The following NBEAL2 variants were observed in gnomAD, a reference collection of about 807,000 sequenced individuals.
NBEAL2 encodes the protein neurobeachin-like protein 2.
NBEAL2 carries 160 observed loss-of-function variants against 299.8 expected under a neutral mutation model. The ratio of observed to expected loss-of-function variants is 0.53; its 90% CI spans 0.47 to 0.61. NBEAL2 has a LOEUF of 0.61. Ranked by LOEUF, NBEAL2 falls within the 20% of genes least tolerant of loss-of-function variation. The pLI is 0.00. For missense variants in NBEAL2, 3,112 were observed against 3,649.0 expected, an observed-to-expected ratio of 0.85 and a Z score of 3.79; for synonymous variants, 1,493 against 1,542.3, an observed-to-expected ratio of 0.97 and a Z score of 0.75.
At chr3:46,990,633 G>C (rs574939084) in intron 6 of NBEAL2, among the ~76,000 whole-genome samples, 3 of 152,310 alleles carry the variant, frequency 2.0e-5, no homozygotes, top group African/African-American at 4.8e-5. Context: ...TGTGACCCGG[G>C]GCTAGTCCCT....
chr3:46,981,307 T>C (rs1263453325), intron 1 of NBEAL2, among the ~76,000 whole-genome samples: 1 of 151,950 alleles, frequency 6.6e-6, no homozygotes, highest in East Asian at 1.9e-4. Context: ...CCGGGCGTGG[T>C]GGGGTGTGCC....
intron 1 of NBEAL2, among the ~76,000 whole-genome samples, chr3:46,987,641 C>A (rs2035758412): frequency 6.6e-6 from 1 of 152,200 alleles, no homozygotes; most frequent in Non-Finnish European, 1.5e-5. Flanking sequence ...ACCCCTGTGG[C>A]CTGAGGCCTT....
Position 46,995,016 on chromosome 3 carries a change from T to G in NBEAL2, c.1297-16T>G, listed in dbSNP as rs2036377952. 2 of 1,528,080 alleles carry G rather than the reference T, an allele frequency of 1.3e-6. No homozygotes were observed. Among genetic ancestry groups the G allele is most frequent in the African/African-American group, 2.7e-5 (2 of 73,060 alleles). The allele number at this position is 1,528,080 out of a possible 1,614,324, so 94.7% of individuals were successfully genotyped here. A position where few individuals can be genotyped will look rare whatever the true frequency, so the allele number is the denominator to read the frequency against. On this transcript the variant is annotated splice_polypyrimidine_tract_variant and intron_variant, in intron 12 of 53. Coordinates refer to ENST00000450053, the MANE Select transcript of NBEAL2 (RefSeq NM_015175.3). Reference sequence around the variant, plus strand: ...TGCCACAGCTGACCAGGGACTGTCATTCTCTCCACCCACAGGCTGTGGAGG... The same window carrying G: ...TGCCACAGCTGACCAGGGACTGTCAGTCTCTCCACCCACAGGCTGTGGAGG...
Position 46,997,400 on chromosome 3 carries a change from C to G in NBEAL2, c.2791C>G (p.Gln931Glu). 6.2e-7 allele frequency: 1 copy of G among 1,611,154 alleles called. No individual in the cohort carries two copies. Among genetic ancestry groups the G allele is most frequent in the Non-Finnish European group, 8.5e-7 (1 of 1,179,276 alleles). The part of the protein sequence containing the change: ...GPELTSGHNT[Q>E]GLVLPLGKSS... ...TGAACTGACCTCTGGTCACAACACC[C>G]AGGGCCTGGTTCTCCCATTGGGTAA... Residue 931 changes from glutamine to glutamate, a missense_variant, in exon 19 of 54, where the codon CAG (glutamine) becomes GAG (glutamate). By Grantham distance (29) the Gln-to-Glu change is conservative. This residue lies in a region of NBEAL2 where 2,243 missense variants were observed against 2,538.1 expected (regional missense o/e 0.88). Coordinates refer to ENST00000450053, the MANE Select transcript of NBEAL2 (RefSeq NM_015175.3).
At position 46,988,700 on chromosome 3, in the gene NBEAL2, A is replaced by C; in HGVS notation, c.83A>C (p.Lys28Thr). 2 of 1,613,892 alleles carry C rather than the reference A, an allele frequency of 1.2e-6. No individual in the cohort carries two copies. The highest frequency in any genetic ancestry group is 1.7e-6 in the Non-Finnish European group (2 of 1,179,824). The change falls in exon 2 of 54, where the codon AAG becomes ACG. Residue 28 changes from lysine to threonine, a missense_variant. Transcript: ENST00000450053. This position sits in a 1 kb window ranked among gnomAD's most constrained non-coding sequence, Gnocchi z 4.4. The stretch of plus-strand genomic sequence containing the variant: ...CTGGGTTACCTGCAGCAGTGGCTGA[A>C]GGCCTTTGTAGGTGCCTTCAAGAAG... ...KDLGYLQQWL[K>T]AFVGAFKKSI... is the part of the protein sequence containing the mutation.
rs775781670 is a variant in NBEAL2 at position 47,000,001 on chromosome 3, G to A, written c.3902G>A (p.Ser1301Asn). 3.7e-6 allele frequency: 6 copies of A among 1,612,094 alleles called. No individual in the cohort carries two copies. Among genetic ancestry groups the A allele is most frequent in the African/African-American group, 1.3e-5 (1 of 74,890 alleles). Residue 1301 changes from serine to asparagine, a missense_variant, in exon 27 of 54, where the codon AGC becomes AAC. Physicochemically the swap from Ser to Asn is conservative, Grantham distance 46. Coordinates refer to ENST00000450053, the MANE Select transcript of NBEAL2 (RefSeq NM_015175.3). The surrounding 1 kb of genome is among the most constrained non-coding windows in gnomAD (Gnocchi z 4.5). The stretch of plus-strand genomic sequence containing the variant: ...GTCCTGGAGGCTGCCACAGCCGGCA[G>A]CCCCCCTCCGTCTTCCCCAGAGTCA... ...LYVLEAATAG[S>N]PPPSSPESPT...
chr3:46,995,026 C>A lies in NBEAL2; in HGVS notation c.1297-6C>A. 6.5e-7 allele frequency: 1 copy of A among 1,535,986 alleles called. No individual in the cohort carries two copies. The highest frequency in any genetic ancestry group is 2.4e-5 in the East Asian group (1 of 41,212). On this transcript the variant is annotated splice_polypyrimidine_tract_variant and splice_region_variant and intron_variant, in intron 12 of 53. Transcript: ENST00000450053. ...GACCAGGGACTGTCATTCTCTCCAC[C>A]CACAGGCTGTGGAGGGTGACCACAG...
chr3:46,989,384 G>A lies in NBEAL2; in HGVS notation c.473+3G>A, dbSNP rs1384896054. On this transcript the variant is annotated splice_donor_region_variant and intron_variant, in intron 5 of 53. Transcript: ENST00000450053. This position sits in a 1 kb window ranked among gnomAD's most constrained non-coding sequence, Gnocchi z 5.5. ...ACCTGGCGGCGCCAGCGCAGTGGGT[G>A]AGACCCAGCCCACAGGAAGGGAACC... 1 of 1,575,284 alleles carries A rather than the reference G, an allele frequency of 6.3e-7. No individual in the cohort carries two copies. The highest frequency in any genetic ancestry group is 8.6e-7 in the Non-Finnish European group (1 of 1,160,436).
intron 21 of NBEAL2, 61 bp from the exon 22 acceptor site, chr3:46,998,402 G>C: frequency 6.4e-7 from 1 of 1,551,466 alleles, no homozygotes; most frequent in Non-Finnish European, 8.8e-7. Context: ...GCCCTGGCCT[G>C]GAGGATCTGA....
At position 46,998,560 on chromosome 3, in the gene NBEAL2, C is replaced by A; in HGVS notation, c.3216C>A (p.His1072Gln). The change falls in exon 22 of 54, where the codon CAC becomes CAA. Residue 1072 changes from histidine to glutamine, a missense_variant. Coordinates refer to ENST00000450053, the MANE Select transcript of NBEAL2 (RefSeq NM_015175.3). The stretch of plus-strand genomic sequence containing the variant: ...TTATCTTGGATGCTCTGCGCACCCA[C>A]TACAGGTGAGGCCAGTGGGGCCAGA... Reference protein sequence around the residue: ...VQFILDALRTHYSPQRERPLA... With the variant: ...VQFILDALRTQYSPQRERPLA... The A allele has an allele frequency of 6.2e-7, 1 of 1,610,030 alleles. No homozygotes were observed. Among genetic ancestry groups the A allele is most frequent in the Non-Finnish European group, 8.5e-7 (1 of 1,178,350 alleles).
At position 46,989,538 on chromosome 3, in the gene NBEAL2, C is replaced by T; in HGVS notation, c.501C>T (p.Ser167=). The change falls in exon 6 of 54, where the codon AGC becomes AGT. Residue 167 remains serine, a synonymous_variant. Coordinates refer to ENST00000450053, the MANE Select transcript of NBEAL2 (RefSeq NM_015175.3). The surrounding 1 kb of genome is among the most constrained non-coding windows in gnomAD (Gnocchi z 5.5). ...AAGTCATCAGCTCCAAGGAGAAGAG[C>T]AAATACAAGTTCCCTCCTGCTGCTT... ...SGEVISSKEK[S]KYKFPPAALP... 1 of 1,597,362 alleles carries T rather than the reference C, an allele frequency of 6.3e-7. No individual in the cohort carries two copies. Among genetic ancestry groups the T allele is most frequent in the East Asian group, 2.3e-5 (1 of 44,014 alleles).
Position 47,006,449 on chromosome 3 carries a change from G to C in NBEAL2, c.7134G>C (p.Glu2378Asp), listed in dbSNP as rs1320380958. ...ACGAACTCAAGGCATTCTTCGCAGA[G>C]GTGAAAGGAAGACAAGACCTCAACT... The part of the protein sequence containing the change: ...HLDELKAFFA[E>D]VVSDGVPLVL... The change falls in exon 45 of 54, where the codon GAG (glutamate) becomes GAC (aspartate). Residue 2378 changes from glutamate (E) to aspartate (D), a missense_variant and splice_region_variant. Glu to Asp is a conservative substitution (Grantham distance 45). Transcript: ENST00000450053. 1.3e-6 allele frequency: 2 copies of C among 1,572,024 alleles called. No individual in the cohort carries two copies. Among genetic ancestry groups the C allele is most frequent in the Non-Finnish European group, 1.7e-6 (2 of 1,158,178 alleles).
At position 47,000,336 on chromosome 3, in the gene NBEAL2, C is replaced by G; in HGVS notation, c.4237C>G (p.Leu1413Val). ...CCACAGCTCCAGTCTCTCCAATGTG[C>G]TGGAGGACGGCAGCCTCCCGGAGCC... The part of the protein sequence containing the change: ...GRHSSSLSNV[L>V]EDGSLPEPTI... Residue 1413 changes from leucine (L) to valine (V), a missense_variant, in exon 27 of 54, where the codon CTG becomes GTG. Transcript: ENST00000450053. This position sits in a 1 kb window ranked among gnomAD's most constrained non-coding sequence, Gnocchi z 4.5. 1 of 1,605,092 alleles carries G rather than the reference C, an allele frequency of 6.2e-7. No homozygotes were observed. The highest frequency in any genetic ancestry group is 8.5e-7 in the Non-Finnish European group (1 of 1,173,776).
rs1191273914 is a variant in NBEAL2 at position 47,007,149 on chromosome 3, C to G, written c.7218C>G (p.Asp2406Glu). Reference sequence around the variant, plus strand: ...CCTTCATCACCCAGGGTTCCCCAGACCTGTTGGTAAGTGCATTGTGCAGAG... The same window carrying G: ...CCTTCATCACCCAGGGTTCCCCAGAGCTGTTGGTAAGTGCATTGTGCAGAG... ...PHSFITQGSP[D>E]LLVTVSASGL... Residue 2406 changes from aspartate (D) to glutamate (E), a missense_variant, in exon 46 of 54, where the codon GAC (aspartate) becomes GAG (glutamate). Around this residue, in one of 3 missense-constraint regions of NBEAL2, gnomAD observed 521 missense variants for 729.6 expected, o/e 0.71. Coordinates refer to ENST00000450053, the MANE Select transcript of NBEAL2 (RefSeq NM_015175.3). The G allele has an allele frequency of 1.1e-5, 18 of 1,613,608 alleles. No homozygotes were observed. Among genetic ancestry groups the G allele is most frequent in the Non-Finnish European group, 1.5e-5 (18 of 1,179,798 alleles).
chr3:47,000,906 A>C lies in NBEAL2; in HGVS notation c.4306-95A>C. On this transcript the variant is annotated intron_variant, in intron 27 of 53. Coordinates refer to ENST00000450053, the MANE Select transcript of NBEAL2 (RefSeq NM_015175.3). This position sits in a 1 kb window ranked among gnomAD's most constrained non-coding sequence, Gnocchi z 4.5. ...GCTCTGACTCCTGGGTGGCTACCCCAGGAGGGGTGCTGAGTGGGGATGGGT... is the reference window on the plus strand; with the variant it reads ...GCTCTGACTCCTGGGTGGCTACCCCCGGAGGGGTGCTGAGTGGGGATGGGT... 1 of 1,522,780 alleles carries C rather than the reference A, an allele frequency of 6.6e-7. No individual in the cohort carries two copies. 94.3% of individuals were successfully genotyped at this position (1,522,780 alleles called of 1,614,324 possible).
In NBEAL2 at chr3:46,995,060, C is replaced by T. The variant is rs2036381899; in HGVS notation, c.1325C>T (p.Pro442Leu). The T allele has an allele frequency of 4.5e-6, 7 of 1,554,416 alleles. No homozygotes were observed. The highest frequency in any genetic ancestry group is 6.1e-6 in the Non-Finnish European group (7 of 1,145,578). The change falls in exon 13 of 54, where the codon CCA becomes CTA. Residue 442 changes from proline (P) to leucine (L), a missense_variant. Coordinates refer to ENST00000450053, the MANE Select transcript of NBEAL2 (RefSeq NM_015175.3). ...MAVEGDHSMC[P>L]PPPIRNEQPV... ...GTGGAGGGTGACCACAGCATGTGCCCACCTCCACCAATCCGCAACGAGCAG... is the reference window on the plus strand; with the variant it reads ...GTGGAGGGTGACCACAGCATGTGCCTACCTCCACCAATCCGCAACGAGCAG...
chr3:46,991,861 C>T lies in NBEAL2; in HGVS notation c.947C>T (p.Ala316Val). The T allele has an allele frequency of 6.2e-7, 1 of 1,600,554 alleles. No individual in the cohort carries two copies. The highest frequency in any genetic ancestry group is 1.1e-5 in the South Asian group (1 of 88,402). The change falls in exon 9 of 54, where the codon GCA becomes GTA. Residue 316 changes from alanine (A) to valine (V), a missense_variant. By Grantham distance (64) the Ala-to-Val change is moderately conservative. This residue lies in a region of NBEAL2 where 2,243 missense variants were observed against 2,538.1 expected (regional missense o/e 0.88). Coordinates refer to ENST00000450053, the MANE Select transcript of NBEAL2 (RefSeq NM_015175.3). The surrounding 1 kb of genome is among the most constrained non-coding windows in gnomAD (Gnocchi z 6.2). ...ACAGACGCCATCCCCATGATGCTGGCATGTGAAGACCGGCCAGTGCTGCAA... is the reference window on the plus strand; with the variant it reads ...ACAGACGCCATCCCCATGATGCTGGTATGTGAAGACCGGCCAGTGCTGCAA... ...SMLDAIPMML[A>V]CEDRPVLQAT...
In NBEAL2 at chr3:47,005,848, G is replaced by C. The variant is rs1285731171; in HGVS notation, c.6801+1G>C. ...CATCCAGCAGCACCGCCAGGCTCTGGTGAGGAAGGAACCACAGGCAAACGG... is the reference window on the plus strand; with the variant it reads ...CATCCAGCAGCACCGCCAGGCTCTGCTGAGGAAGGAACCACAGGCAAACGG... On this transcript the variant is annotated splice_donor_variant, in intron 42 of 53. Transcript: ENST00000450053. LOFTEE classifies it high-confidence loss of function. 1 of 1,613,340 alleles carries C rather than the reference G, an allele frequency of 6.2e-7. No homozygotes were observed. Among genetic ancestry groups the C allele is most frequent in the Non-Finnish European group, 8.5e-7 (1 of 1,179,770 alleles).
rs1299325923 is a variant in NBEAL2, at chr3:46,996,788, G to A, written c.2511G>A (p.Glu837=). 5 of 1,612,622 alleles carry A rather than the reference G, an allele frequency of 3.1e-6. No individual in the cohort carries two copies. Among genetic ancestry groups the A allele is most frequent in the Non-Finnish European group, 3.4e-6 (4 of 1,179,794 alleles). ...CGGCACCCTTCAAGCCTGAGGGGGA[G>A]CTGCATGAGCTCAGCACCAGGCTGC... ...NETAPFKPEG[E]LHELSTRLLL... The change falls in exon 17 of 54, where the codon GAG becomes GAA. Residue 837 remains glutamate, a synonymous_variant. Coordinates refer to ENST00000450053, the MANE Select transcript of NBEAL2 (RefSeq NM_015175.3).
Sources: allele counts gnomAD v4.1 joint callset (sites outside exome capture counted in the v4.1 genomes callset), GRCh38; gene constraint gnomAD v4.1.1; regional missense constraint gnomAD v4.1.1; non-coding constraint Gnocchi (gnomAD v3.1); transcripts MANE v1.5; gene names NCBI Gene and HGNC (gene_info 2026-07-23, HGNC 2026-07-21).